BMP8A: variants seen among roughly 807,000 people sequenced by gnomAD.
BMP8A encodes the protein BMP-8A.
In BMP8A, 14 loss-of-function variants were observed where a neutral mutation model predicts 36.8. The ratio of observed to expected loss-of-function variants is 0.38; its 90% CI spans 0.25 to 0.60. The LOEUF (loss-of-function observed/expected upper bound fraction) is 0.60. BMP8A is among the 20% of genes least tolerant of loss of function. The pLI, the probability that BMP8A is intolerant of heterozygous loss-of-function variation, is 0.63. For missense variants in BMP8A, 267 were observed against 551.1 expected (o/e 0.48, Z 5.16); for synonymous variants, 120 against 237.7 (o/e 0.50, Z 4.55).
intron 6 of BMP8A, 140 bp downstream of exon 6, chr1:39,523,257 G>T: frequency 1.4e-5 from 15 of 1,046,086 alleles, no homozygotes; most frequent in Middle Eastern, 2.1e-4. Flanking sequence ...CAGTAACGTC[G>T]CTAACTTCCC....
rs2377809 is a variant in BMP8A, at chr1:39,523,069, G to T, written c.1011G>T (p.Pro337=). The T allele has an allele frequency of 6.2e-7, 1 of 1,613,586 alleles. No individual in the cohort carries two copies. The highest frequency in any genetic ancestry group is 1.7e-5 in the Admixed American group (1 of 59,984). The change falls in exon 6 of 7, where the codon CCG becomes CCT. Residue 337 remains proline (P), a synonymous_variant. Coordinates refer to ENST00000331593, the MANE Select transcript of BMP8A (RefSeq NM_181809.4). ...AYYCEGECSF[P]LDSCMNATNH... is the part of the protein sequence containing the mutation. ...ACTGTGAGGGGGAGTGCTCCTTCCC[G>T]CTGGACTCCTGCATGAACGCCACCA...
At chr1:39,498,203 G>A (rs1645222214) in intron 1 of BMP8A, among the ~76,000 whole-genome samples, 1 of 152,178 alleles carries the variant, frequency 6.6e-6, no homozygotes, top group Admixed American at 6.5e-5. Context: ...CAAAGAATAT[G>A]CCCACCCCCT....
intron 3 of BMP8A, chr1:39,514,827 C>A (rs1645382770): frequency 8.4e-7 from 1 of 1,193,520 alleles, no homozygotes. Context: ...CTAGAGCCTG[C>A]GCCTGGCCGG....
intron 1 of BMP8A, among the ~76,000 whole-genome samples, chr1:39,502,415 T>G (rs1051309279): frequency 6.6e-6 from 1 of 152,152 alleles, no homozygotes; most frequent in African/African-American, 2.4e-5. Flanking sequence ...GGCCTAAAAG[T>G]ATTGACACTC....
At chr1:39,495,413 T>A (rs1373339901) in intron 1 of BMP8A, among the ~76,000 whole-genome samples, 1 of 150,112 alleles carries the variant, frequency 6.7e-6, no homozygotes, top group Non-Finnish European at 1.5e-5. Flanking sequence ...GCCTGGCCTG[T>A]CATCCATATC....
intron 1 of BMP8A, among the ~76,000 whole-genome samples, chr1:39,503,515 T>C (rs1024605985): frequency 2.9e-5 from 4 of 136,234 alleles, no homozygotes; most frequent in Admixed American, 1.5e-4. Context: ...TTTCTTTTTT[T>C]TTTTTTTTTT....
chr1:39,506,191 C>T (rs1228070833), intron 1 of BMP8A, among the ~76,000 whole-genome samples: 4 of 151,876 alleles, frequency 2.6e-5, no homozygotes, highest in African/African-American at 9.7e-5. Flanking sequence ...TTAACAGTAT[C>T]AATTTCCTGG....
intron 3 of BMP8A, chr1:39,515,402 C>A: frequency 1.3e-6 from 1 of 799,352 alleles, no homozygotes. Flanking sequence ...GCGCGGGGGG[C>A]GCCGGGGTGC....
chr1:39,508,788 C>A (rs1189114630), intron 1 of BMP8A, among the ~76,000 whole-genome samples: 1 of 152,200 alleles, frequency 6.6e-6, no homozygotes, highest in Non-Finnish European at 1.5e-5. Flanking sequence ...AGTGCCACAC[C>A]CCAGGAAGTT....
At chr1:39,523,350 G>A (rs537848497) in intron 6 of BMP8A, among the ~76,000 whole-genome samples, 39 of 152,202 alleles carry the variant, frequency 2.6e-4, no homozygotes, top group Non-Finnish European at 4.1e-4. Flanking sequence ...GTGAACAGTC[G>A]CGTATGCATG....
chr1:39,499,585 G>T (rs936511796), intron 1 of BMP8A, among the ~76,000 whole-genome samples: 4 of 152,256 alleles, frequency 2.6e-5, no homozygotes, highest in African/African-American at 9.6e-5. Flanking sequence ...TGGAGGCCTA[G>T]CCTGGAGTGG....
At chr1:39,507,752 C>A (rs949082345) in intron 1 of BMP8A, among the ~76,000 whole-genome samples, 1 of 152,144 alleles carries the variant, frequency 6.6e-6, no homozygotes, top group Non-Finnish European at 1.5e-5. Flanking sequence ...GAGAAGCATT[C>A]GCTGGACCAT....
rs1645350228 is a variant in BMP8A at position 39,511,100 on chromosome 1, G to A, written c.335-74G>A. ...TGAGTGGTGGGTGTCTGGGGGCGGT[G>A]GCTCACACCAGCTCTGCCCCCTCCA... On this transcript the variant is annotated intron_variant, in intron 1 of 6. Coordinates refer to ENST00000331593, the MANE Select transcript of BMP8A (RefSeq NM_181809.4). 6 of 1,557,918 alleles carry A rather than the reference G, an allele frequency of 3.9e-6. No individual in the cohort carries two copies. In the Admixed American group the frequency reaches 1.1e-4, roughly 29 times the overall value.
At chr1:39,507,232 C>T (rs1032141768) in intron 1 of BMP8A, among the ~76,000 whole-genome samples, 5 of 152,234 alleles carry the variant, frequency 3.3e-5, no homozygotes, top group Non-Finnish European at 7.4e-5. Flanking sequence ...CATGGGCCCC[C>T]CAGCCTATCT....
At chr1:39,501,273 C>A (rs557871608) in intron 1 of BMP8A, among the ~76,000 whole-genome samples, 1 of 152,246 alleles carries the variant, frequency 6.6e-6, no homozygotes, top group Non-Finnish European at 1.5e-5. Flanking sequence ...ATCACAGCCA[C>A]ATTGGGGATC....
intron 1 of BMP8A, among the ~76,000 whole-genome samples, chr1:39,505,896 G>A (rs1340279880): frequency 6.7e-6 from 1 of 149,740 alleles, no homozygotes; most frequent in Non-Finnish European, 1.5e-5. Context: ...TGAAGTGGGA[G>A]GATCACCTGA....
chr1:39,525,305 T>A (rs1273430142), intron 6 of BMP8A, among the ~76,000 whole-genome samples: 1 of 152,010 alleles, frequency 6.6e-6, no homozygotes, highest in Non-Finnish European at 1.5e-5. Context: ...GGGACCTCAC[T>A]AAGGGCACAA....
chr1:39,494,484 A>G (rs1281360360), intron 1 of BMP8A, among the ~76,000 whole-genome samples: 1 of 151,416 alleles, frequency 6.6e-6, no homozygotes, highest in Non-Finnish European at 1.5e-5. Flanking sequence ...CCCAGTAGCT[A>G]GGGCTACAGT....
intron 3 of BMP8A, chr1:39,515,814 G>A: frequency 6.3e-7 from 1 of 1,590,566 alleles, no homozygotes; most frequent in Non-Finnish European, 8.6e-7. Flanking sequence ...GGAGACGCTG[G>A]AAAGGAAGAG....
Sources: allele counts gnomAD v4.1 joint callset (sites outside exome capture counted in the v4.1 genomes callset), GRCh38; gene constraint gnomAD v4.1.1; transcripts MANE v1.5; gene names NCBI Gene and HGNC (gene_info 2026-07-23, HGNC 2026-07-21).